The following ARSG variants were observed in gnomAD, a reference collection of about 807,000 sequenced individuals.
The protein encoded by ARSG is arylsulfatase G.
ARSG carries 37 observed loss-of-function variants against 50.5 expected under a neutral mutation model. The ratio of observed to expected loss-of-function variants is 0.73; its 90% confidence interval spans 0.56 to 0.96. ARSG has a LOEUF of 0.96. Ranked by LOEUF, ARSG falls within the 50% of genes least tolerant of loss-of-function variation. The pLI is 0.00. For missense variants in ARSG, 629 were observed against 675.3 expected (o/e 0.93, Z 0.76); for synonymous variants, 225 against 254.6 (o/e 0.88, Z 1.11).
chr17:68,321,234 A>G (rs2077270963), intron 2 of ARSG, among the ~76,000 whole-genome samples: 1 of 152,216 alleles, frequency 6.6e-6, no homozygotes, highest in Admixed American at 6.5e-5. Flanking sequence ...TTAATGAATG[A>G]ATGAGTAGAC....
intron 3 of ARSG, among the ~76,000 whole-genome samples, chr17:68,344,885 C>T (rs1373697081): frequency 6.6e-6 from 1 of 152,238 alleles, no homozygotes; most frequent in Non-Finnish European, 1.5e-5. Flanking sequence ...TTGTTCTACC[C>T]AGACCCAGGG....
intron 2 of ARSG, among the ~76,000 whole-genome samples, chr17:68,324,761 G>A (rs2077436265): frequency 6.6e-6 from 1 of 152,216 alleles, no homozygotes; most frequent in Admixed American, 6.5e-5. Context: ...TGTGTAACAT[G>A]AGTAGAGTAG....
intron 6 of ARSG, among the ~76,000 whole-genome samples, chr17:68,357,833 A>C (rs1474922406): frequency 6.6e-6 from 1 of 152,154 alleles, no homozygotes; most frequent in Non-Finnish European, 1.5e-5. Context: ...GGAATATCAC[A>C]TCTTTTCATT....
At position 68,346,937 on chromosome 17, in the gene ARSG, T is replaced by C. The variant is rs74789243; in HGVS notation, c.407-188T>C. 249 of 1,508,464 alleles carry C rather than the reference T, an allele frequency of 1.7e-4. 1 individual carries two copies. The East Asian group carries it at 6.3e-3, about 38-fold the overall frequency. The allele number at this position is 1,508,464 out of a possible 1,614,324, so 93.4% of individuals were successfully genotyped here. On this transcript the variant is annotated intron_variant, in intron 3 of 11. Coordinates refer to ENST00000621439, the MANE Select transcript of ARSG (RefSeq NM_001267727.2). ...TGTGAGTCTGGGGTCATCCTTTATG[T>C]GTCCCTGTGGACACCGTCTCGGCCC...
intron 1 of ARSG, among the ~76,000 whole-genome samples, chr17:68,295,741 G>A (rs565539472): frequency 5.7e-4 from 83 of 144,786 alleles, no homozygotes; most frequent in Non-Finnish European, 1.1e-3. Flanking sequence ...GTGCAGTGGC[G>A]CGATCTTGGC....
intron 2 of ARSG, among the ~76,000 whole-genome samples, chr17:68,326,809 G>C (rs1421156850): frequency 6.6e-6 from 1 of 152,194 alleles, no homozygotes. Flanking sequence ...CCCGTGTTGT[G>C]TCACACCTGG....
At chr17:68,354,326 T>C (rs558578144) in intron 5 of ARSG, among the ~76,000 whole-genome samples, 1 of 147,760 alleles carries the variant, frequency 6.8e-6, no homozygotes, top group East Asian at 2.0e-4. Context: ...GAGGCTGAGG[T>C]GGGAGGATGG....
chr17:68,435,067 C>T, the ARSG span, among the ~76,000 whole-genome samples: 5 of 152,154 alleles, frequency 3.3e-5, no homozygotes, highest in African/African-American at 4.8e-5. Flanking sequence ...ATTAGCCAGG[C>T]GTGGCAGCAT....
At chr17:68,261,137 C>G (rs1324748768) in intron 1 of ARSG, among the ~76,000 whole-genome samples, 3 of 152,192 alleles carry the variant, frequency 2.0e-5, no homozygotes, top group Admixed American at 6.6e-5. Context: ...GCAGCACAGA[C>G]TCTCTTGAAC....
chr17:68,379,421 ATTTTT>A (rs375841879), intron 8 of ARSG, among the ~76,000 whole-genome samples: 142 of 72,258 alleles, frequency 2.0e-3, no homozygotes, highest in African/African-American at 8.2e-3. Flanking sequence ...GAACACTACA[ATTTTT>A]TTTTTTTTTT....
At chr17:68,338,095 T>C (rs76535744) in intron 2 of ARSG, among the ~76,000 whole-genome samples, 106 of 152,298 alleles carry the variant, frequency 7.0e-4, no homozygotes, top group African/African-American at 2.4e-3. Context: ...CCTGAATAGA[T>C]CATTCCAGTG....
At chr17:68,308,454 G>A (rs563141238) in intron 2 of ARSG, among the ~76,000 whole-genome samples, 48 of 152,156 alleles carry the variant, frequency 3.2e-4, no homozygotes, top group African/African-American at 1.0e-3. Context: ...GGAGTTGTTC[G>A]TTCCTCCCGG....
chr17:68,277,129 AATT>A lies in ARSG; in HGVS notation c.-552+17719_-552+17721del, dbSNP rs1295619601. Among the ~76,000 whole-genome samples, 3 of 151,672 alleles carry A rather than the reference AATT, an allele frequency of 2.0e-5. No homozygotes were observed. The South Asian group carries it at 6.2e-4, about 32-fold the overall frequency. ...TGAGATTGGGGCCTGGTATGTCAGCAATTATTATTATTATTATTTTGAGATGGA... is the reference window on the plus strand; with the variant it reads ...TGAGATTGGGGCCTGGTATGTCAGCAATTATTATTATTATTTTGAGATGGA... On this transcript the variant is annotated intron_variant, in intron 1 of 11. Coordinates refer to the ARSG transcript ENST00000448504.
intron 8 of ARSG, among the ~76,000 whole-genome samples, chr17:68,371,585 T>C (rs950287253): frequency 1.3e-5 from 2 of 152,190 alleles, no homozygotes; most frequent in African/African-American, 4.8e-5. Flanking sequence ...ATTTGACATA[T>C]GGACCAAATG....
chr17:68,277,110 T>C (rs2075548060), intron 1 of ARSG, among the ~76,000 whole-genome samples: 1 of 152,226 alleles, frequency 6.6e-6, no homozygotes, highest in South Asian at 2.1e-4. Flanking sequence ...ATTATGAGAT[T>C]GGGGCCTGGT....
chr17:68,290,481 C>A (rs1317336108), upstream of ARSG, among the ~76,000 whole-genome samples: 1 of 152,228 alleles, frequency 6.6e-6, no homozygotes, highest in Non-Finnish European at 1.5e-5. Context: ...GGCCGTCAGC[C>A]GCTGACAGTT....
intron 1 of ARSG, chr17:68,278,450 T>C (rs2145064234): frequency 1.6e-6 from 1 of 614,592 alleles, no homozygotes; most frequent in Non-Finnish European, 2.8e-6. Flanking sequence ...TGAATATTTA[T>C]TTATTTATTT....
At chr17:68,449,358 G>C in the ARSG span, among the ~76,000 whole-genome samples, 3 of 152,212 alleles carry the variant, frequency 2.0e-5, no homozygotes, top group East Asian at 5.8e-4. Context: ...GGCCAAGCGT[G>C]GTGGCTCATG....
At chr17:68,415,500 G>T (rs1568601242) in intron 11 of ARSG, among the ~76,000 whole-genome samples, 5 of 152,182 alleles carry the variant, frequency 3.3e-5, no homozygotes, top group African/African-American at 1.2e-4. Flanking sequence ...TTCTGCAGTT[G>T]TTGGTTGGAA....
Sources: allele counts gnomAD v4.1 joint callset (sites outside exome capture counted in the v4.1 genomes callset), GRCh38; gene constraint gnomAD v4.1.1; transcripts MANE v1.5; gene names NCBI Gene and HGNC (gene_info 2026-07-23, HGNC 2026-07-21).